Variants in TYW1 observed in about 807,000 individuals in gnomAD.
TYW1 encodes the protein tRNA-yW synthesizing protein 1 homolog.
In TYW1, 46 loss-of-function variants were observed where a neutral mutation model predicts 96.2. The observed-to-expected ratio is 0.48, with a 90% confidence interval of 0.38 to 0.61. TYW1 has a LOEUF of 0.61. Ranked by LOEUF, TYW1 falls within the 20% of genes least tolerant of loss-of-function variation. TYW1 has a pLI of 0.00. For missense variants in TYW1, 684 were observed against 909.6 expected (o/e 0.75, Z 3.19); for synonymous variants, 274 against 323.0 (o/e 0.85, Z 1.63).
At chr7:67,094,368 G>A (rs2949143) in intron 11 of TYW1, among the ~76,000 whole-genome samples, 3 of 151,938 alleles carry the variant, frequency 2.0e-5, no homozygotes, top group African/African-American at 4.8e-5. Context: ...TTAGATACCC[G>A]GTAATGGGTT....
chr7:67,210,380 C>T (rs1800959161), intron 15 of TYW1, among the ~76,000 whole-genome samples: 1 of 152,136 alleles, frequency 6.6e-6, no homozygotes, highest in Non-Finnish European at 1.5e-5. Context: ...ACAATGCTGA[C>T]CTCGATCCTC....
In TYW1 at chr7:67,117,708, G is replaced by A. The variant is rs1281770122; in HGVS notation, c.1698+90G>A. 9.0e-6 allele frequency: 12 copies of A among 1,326,860 alleles called. No homozygotes were observed. The East Asian group carries it at 2.5e-4, about 28-fold the overall frequency. 82.2% of individuals were successfully genotyped at this position (1,326,860 alleles called of 1,614,324 possible). A position where few individuals can be genotyped will look rare whatever the true frequency, so the allele number is the denominator to read the frequency against. ...AAGAAAGATGGAAGAAAAGAACAGA[G>A]GTACTTTTTCCTCTTTTCTCTTTAA... On this transcript the variant is annotated intron_variant, in intron 13 of 15. Transcript: ENST00000359626.
In TYW1 at chr7:67,105,659, A is replaced by G. The variant is rs532719612; in HGVS notation, c.1562+6941A>G. 1.1e-4 allele frequency among the ~76,000 whole-genome samples: 16 copies of G among 152,268 alleles called. No individual in the cohort carries two copies. The South Asian group carries it at 2.3e-3, about 22-fold the overall frequency. On this transcript the variant is annotated intron_variant, in intron 12 of 15. Coordinates refer to ENST00000359626, the MANE Select transcript of TYW1 (RefSeq NM_018264.4). Reference sequence around the variant, plus strand: ...TTCTTCAGCCCTGAGGCTGAGTGTCATCTGCCACTTGTCAGAGGTATTGCA... The same window carrying G: ...TTCTTCAGCCCTGAGGCTGAGTGTCGTCTGCCACTTGTCAGAGGTATTGCA...
chr7:67,051,657 A>G (rs1000526088), intron 8 of TYW1, among the ~76,000 whole-genome samples: 82 of 151,244 alleles, frequency 5.4e-4, no homozygotes, highest in African/African-American at 1.9e-3. Context: ...TGTAGTTGCC[A>G]TGTCTTATTC....
intron 13 of TYW1, among the ~76,000 whole-genome samples, chr7:67,137,843 G>GT (rs1339066843): frequency 2.0e-5 from 3 of 152,220 alleles, no homozygotes. Context: ...GTGGTGCTTA[G>GT]TAAGTGTTTC....
At chr7:67,195,653 G>C (rs930485523) in intron 15 of TYW1, among the ~76,000 whole-genome samples, 4 of 152,078 alleles carry the variant, frequency 2.6e-5, no homozygotes, top group Non-Finnish European at 5.9e-5. Context: ...GGAATGACAG[G>C]GAAAAGCTAA....
At chr7:67,110,019 A>G (rs1316882123) in intron 12 of TYW1, among the ~76,000 whole-genome samples, 3 of 152,168 alleles carry the variant, frequency 2.0e-5, no homozygotes, top group Non-Finnish European at 2.9e-5. Context: ...TATGACTTGT[A>G]TGGCAAACCT....
chr7:67,024,738 G>A (rs1306503609), intron 6 of TYW1, among the ~76,000 whole-genome samples, 162 bp from the exon 7 acceptor site: 10 of 150,838 alleles, frequency 6.6e-5, no homozygotes, highest in Admixed American at 4.0e-4. Flanking sequence ...CTGAGATGAC[G>A]CCACTGTGCT....
chr7:67,048,282 A>G (rs1263839388), intron 7 of TYW1, among the ~76,000 whole-genome samples: 1 of 151,000 alleles, frequency 6.6e-6, no homozygotes, highest in African/African-American at 2.4e-5. Context: ...TAAAGTAGAA[A>G]TGGTGTTACG....
intron 10 of TYW1, among the ~76,000 whole-genome samples, chr7:67,073,493 C>T (rs558949664): frequency 3.3e-5 from 5 of 152,152 alleles, no homozygotes; most frequent in South Asian, 2.1e-4. Context: ...GTGACCAGGC[C>T]GGGTGCAGTG....
At chr7:67,212,895 G>A (rs112009813) in intron 15 of TYW1, among the ~76,000 whole-genome samples, 11 of 151,984 alleles carry the variant, frequency 7.2e-5, no homozygotes, top group African/African-American at 2.7e-4. Flanking sequence ...TATGTTTTGA[G>A]ACAGAGTTTT....
At chr7:67,224,742 G>A (rs11761805) in intron 15 of TYW1, among the ~76,000 whole-genome samples, 14,542 of 152,104 alleles carry the variant, frequency 0.096, 787 homozygotes, top group Middle Eastern at 0.14. Context: ...CCTTAGTTTC[G>A]GAGTCTGCTG....
chr7:67,016,944 A>C lies in TYW1; in HGVS notation c.571-909A>C, dbSNP rs142951897. Among the ~76,000 whole-genome samples the C allele has an allele frequency of 6.6e-5, 10 of 152,058 alleles. No individual in the cohort carries two copies. The East Asian group carries it at 1.9e-3, about 29-fold the overall frequency. On this transcript the variant is annotated intron_variant, in intron 5 of 15. Transcript: ENST00000359626. ...CTGGCCTCTCCCCATATTTTCAAAT[A>C]AATTAGACTATGATTGGGAAAATTC... is the stretch of plus-strand genomic sequence containing the variant.
rs376281282 is a variant in TYW1, at chr7:67,238,550, C to T, written c.*21C>T. The T allele has an allele frequency of 2.1e-5, 33 of 1,602,428 alleles. No individual in the cohort carries two copies. The highest frequency in any genetic ancestry group is 2.8e-5 in the Non-Finnish European group (33 of 1,174,728). The stretch of plus-strand genomic sequence containing the variant: ...GTTGAGATTATCTGATTTCAAGGTA[C>T]TGAAGGACAAAAACTTGGATGGCCT... On this transcript the variant is annotated 3_prime_UTR_variant, in exon 16 of 16. Coordinates refer to ENST00000359626, the MANE Select transcript of TYW1 (RefSeq NM_018264.4).
rs1241068814 is a variant in TYW1 at position 67,198,864 on chromosome 7, T to C, written c.1977+3527T>C. ...TTTGTCTTTTATGATGTTGCTATTTTAAAAGAATACAGTTCCCCCCTTCCC... is the reference window on the plus strand; with the variant it reads ...TTTGTCTTTTATGATGTTGCTATTTCAAAAGAATACAGTTCCCCCCTTCCC... On this transcript the variant is annotated intron_variant, in intron 15 of 15. Coordinates refer to ENST00000359626, the MANE Select transcript of TYW1 (RefSeq NM_018264.4). Among the ~76,000 whole-genome samples the C allele has an allele frequency of 3.9e-5, 6 of 152,320 alleles. No individual in the cohort carries two copies. The South Asian group carries it at 1.0e-3, about 26-fold the overall frequency.
At chr7:67,088,475 T>C (rs1796614674) in intron 11 of TYW1, among the ~76,000 whole-genome samples, 1 of 152,256 alleles carries the variant, frequency 6.6e-6, no homozygotes, top group Non-Finnish European at 1.5e-5. Context: ...GTGATTTCTT[T>C]TAAAATGATA....
intron 13 of TYW1, among the ~76,000 whole-genome samples, chr7:67,153,918 C>T (rs1240222663): frequency 3.5e-5 from 5 of 142,974 alleles, no homozygotes; most frequent in Admixed American, 7.3e-5. Flanking sequence ...TTCATTTTAA[C>T]GACTTTCTTT....
chr7:67,228,354 A>G (rs1327675431), intron 15 of TYW1, among the ~76,000 whole-genome samples: 5 of 152,182 alleles, frequency 3.3e-5, no homozygotes, highest in African/African-American at 9.7e-5. Flanking sequence ...TAAAACCATC[A>G]GATCTTGTGA....
chr7:67,048,039 C>T (rs990260822), intron 7 of TYW1, among the ~76,000 whole-genome samples: 2 of 148,042 alleles, frequency 1.4e-5, no homozygotes, highest in African/African-American at 5.0e-5. Context: ...CCACCTGCCT[C>T]GGCCTCCCAT....
Sources: gnomAD v4.1 joint callset for allele counts (sites outside exome capture counted in the v4.1 genomes callset) on GRCh38, gnomAD v4.1.1 for gene constraint, MANE v1.5 for transcripts, NCBI Gene and HGNC (gene_info 2026-07-23, HGNC 2026-07-21) for gene names.